The following APC variants were observed in gnomAD, a reference collection of about 807,000 sequenced individuals.
APC encodes APC regulator of Wnt signaling pathway, also known as adenomatous polyposis coli protein.
In APC, 72 loss-of-function variants were observed where a neutral mutation model predicts 247.0. The ratio of observed to expected loss-of-function variants is 0.29; its 90% CI spans 0.24 to 0.35. The LOEUF (loss-of-function observed/expected upper bound fraction) is 0.35, where lower values mean the gene tolerates loss of function less well. Among genes scored for constraint, APC ranks in the 10% least tolerant of loss-of-function variants. The pLI is 1.00. For missense variants in APC, 3,400 were observed against 3,360.7 expected (o/e 1.01, Z -0.29); for synonymous variants, 1,254 against 1,162.5 (o/e 1.08, Z -1.60).
rs796128330 is a variant in APC, at chr5:112,789,749, A to G, written c.646-2697A>G. 7.9e-4 allele frequency among the ~76,000 whole-genome samples: 120 copies of G among 152,322 alleles called. 1 individual carries two copies. Among genetic ancestry groups the G allele is most frequent in the African/African-American group, 2.8e-3 (116 of 41,578 alleles). On this transcript the variant is annotated intron_variant, in intron 6 of 15. Transcript: ENST00000257430. The stretch of plus-strand genomic sequence containing the variant: ...TACTTGCCACCTGGTTATGGAAATG[A>G]TCACTCATCTTTGCAATATCTTTAG...
chr5:112,744,176 C>T lies in APC; in HGVS notation c.-19+6251C>T, dbSNP rs1753370960. 2.0e-5 allele frequency among the ~76,000 whole-genome samples: 3 copies of T among 152,042 alleles called. No individual in the cohort carries two copies. The South Asian group carries it at 6.2e-4, about 32-fold the overall frequency. ...ATCTTTTTATGAAACACAGTTCAAC[C>T]CATAACACTCCCTTAATACTTGGTA... On this transcript the variant is annotated intron_variant, in intron 1 of 15. Coordinates refer to ENST00000257430, the MANE Select transcript of APC (RefSeq NM_000038.6).
rs1278880906 is a variant in APC, at chr5:112,738,298, C to T, written c.-19+373C>T. The T allele has an allele frequency of 5.1e-6, 5 of 985,324 alleles. No individual in the cohort carries two copies. The African/African-American group carries it at 7.0e-5, about 14-fold the overall frequency. The allele number at this position is 985,324 out of a possible 1,614,324, so 61.0% of individuals were successfully genotyped here. ...AACAAAGAATGGAGCATATTCATGGCGAGGAGCAAAAGCTCTACCCCATTG... is the reference window on the plus strand; with the variant it reads ...AACAAAGAATGGAGCATATTCATGGTGAGGAGCAAAAGCTCTACCCCATTG... On this transcript the variant is annotated intron_variant, in intron 1 of 15. Coordinates refer to ENST00000257430, the MANE Select transcript of APC (RefSeq NM_000038.6).
intron 10 of APC, among the ~76,000 whole-genome samples, chr5:112,820,942 G>T (rs546350920): frequency 1.3e-5 from 2 of 152,022 alleles, no homozygotes; most frequent in Non-Finnish European, 2.9e-5. Context: ...GTTCACTGCA[G>T]CCTCAACCTC....
chr5:112,735,658 A>G (rs1034419862), upstream of APC, among the ~76,000 whole-genome samples: 6 of 152,090 alleles, frequency 3.9e-5, no homozygotes, highest in African/African-American at 1.4e-4. Flanking sequence ...CTTTGATTAT[A>G]TATCTATATT....
At chr5:112,818,547 T>G (rs1762745675) in intron 9 of APC, among the ~76,000 whole-genome samples, 1 of 152,176 alleles carries the variant, frequency 6.6e-6, no homozygotes, top group Non-Finnish European at 1.5e-5. Context: ...AGGTATAGAT[T>G]AAAAGAAATA....
chr5:112,783,792 A>G (rs1237369231), intron 6 of APC: 2 of 392,784 alleles, frequency 5.1e-6, no homozygotes, highest in Non-Finnish European at 9.7e-6. Context: ...AAAGAGAAAG[A>G]AAGGAAAGAA....
At chr5:112,783,111 G>C (rs1452444105) in intron 6 of APC, among the ~76,000 whole-genome samples, 8 of 152,116 alleles carry the variant, frequency 5.3e-5, no homozygotes, top group Non-Finnish European at 7.4e-5. Context: ...TTTAGAGAGA[G>C]AGATCCTAAA....
intron 2 of APC, among the ~76,000 whole-genome samples, chr5:112,764,808 G>A (rs537631458): frequency 6.6e-6 from 1 of 152,184 alleles, no homozygotes; most frequent in Non-Finnish European, 1.5e-5. Flanking sequence ...TGGAATCCTG[G>A]AAAAATCACA....
chr5:112,754,362 A>G (rs1326600323), intron 1 of APC, among the ~76,000 whole-genome samples: 1 of 152,206 alleles, frequency 6.6e-6, no homozygotes, highest in Non-Finnish European at 1.5e-5. Context: ...CTTCAGAACT[A>G]TTTCACCATG....
chr5:112,711,408 T>C (rs1581005314), intron 1 of APC, among the ~76,000 whole-genome samples: 1 of 152,254 alleles, frequency 6.6e-6, no homozygotes, highest in Non-Finnish European at 1.5e-5. Context: ...TGGGGACTGC[T>C]GCCTTAGATC....
chr5:112,726,475 C>T (rs928565923), intron 1 of APC, among the ~76,000 whole-genome samples: 1 of 152,168 alleles, frequency 6.6e-6, no homozygotes, highest in South Asian at 2.1e-4. Flanking sequence ...CTCTGCTGTG[C>T]TGTTTTGCTG....
chr5:112,822,398 AATT>A (rs929903348), intron 11 of APC, among the ~76,000 whole-genome samples: 2 of 152,092 alleles, frequency 1.3e-5, no homozygotes, highest in African/African-American at 2.4e-5. Flanking sequence ...CATCAGAGGG[AATT>A]ATTATTAAGA....
intron 1 of APC, among the ~76,000 whole-genome samples, chr5:112,748,415 G>A (rs550366647): frequency 2.4e-4 from 36 of 152,112 alleles, no homozygotes; most frequent in Non-Finnish European, 4.0e-4. Flanking sequence ...ATATTTCTAA[G>A]ATGTTTCTAT....
chr5:112,805,143 TG>T (rs935020334), intron 8 of APC, among the ~76,000 whole-genome samples: 5 of 152,182 alleles, frequency 3.3e-5, no homozygotes, highest in Admixed American at 6.5e-5. Flanking sequence ...TTGGGATTTT[TG>T]TGGGTTTTAC....
chr5:112,829,851 C>G (rs1764130830), intron 14 of APC: 1 of 152,058 alleles, frequency 6.6e-6, no homozygotes, highest in South Asian at 2.1e-4. Context: ...TGATCAGAGC[C>G]AAGGGTGAGG....
intron 1 of APC, among the ~76,000 whole-genome samples, chr5:112,713,495 A>G (rs1221556110): frequency 7.2e-5 from 11 of 152,184 alleles, no homozygotes; most frequent in Non-Finnish European, 1.6e-4. Flanking sequence ...GGGAAAATGA[A>G]TATGTGGCAT....
At chr5:112,752,937 C>G (rs1387426038) in intron 1 of APC, among the ~76,000 whole-genome samples, 1 of 152,072 alleles carries the variant, frequency 6.6e-6, no homozygotes, top group Non-Finnish European at 1.5e-5. Flanking sequence ...ATAAAGGGTA[C>G]TTTTAGCAGT....
intron 14 of APC, among the ~76,000 whole-genome samples, chr5:112,832,862 A>G (rs1431122606): frequency 2.0e-5 from 3 of 152,104 alleles, no homozygotes; most frequent in Non-Finnish European, 4.4e-5. Flanking sequence ...CCCAAAGCAA[A>G]TTGCTAACAC....
At chr5:112,787,736 G>A (rs1348711664) in intron 6 of APC, among the ~76,000 whole-genome samples, 1 of 152,038 alleles carries the variant, frequency 6.6e-6, no homozygotes, top group African/African-American at 2.4e-5. Flanking sequence ...CACCAAATCT[G>A]TTATCTGTAT....
Sources: allele counts gnomAD v4.1 joint callset (sites outside exome capture counted in the v4.1 genomes callset), GRCh38; gene constraint gnomAD v4.1.1; transcripts MANE v1.5; gene names NCBI Gene and HGNC (gene_info 2026-07-23, HGNC 2026-07-21).